The following ABCC4 variants were observed in gnomAD, a reference collection of about 807,000 sequenced individuals.
ABCC4 encodes the protein ATP binding cassette subfamily C member 4 (PEL blood group), also known as ATP-binding cassette sub-family C member 4.
In ABCC4, 102 loss-of-function variants were observed where a neutral mutation model predicts 168.5. The ratio of observed to expected loss-of-function variants is 0.61; its 90% CI spans 0.52 to 0.71. The LOEUF (loss-of-function observed/expected upper bound fraction) is 0.71. Ranked by LOEUF, ABCC4 falls within the 30% of genes least tolerant of loss-of-function variation. ABCC4 has a pLI of 0.00. For missense variants in ABCC4, 1,402 were observed against 1,605.8 expected, an observed-to-expected ratio of 0.87 and a Z score of 2.17; for synonymous variants, 617 against 590.7, an observed-to-expected ratio of 1.04 and a Z score of -0.65.
intron 4 of ABCC4, among the ~76,000 whole-genome samples, chr13:95,220,449 T>C (rs2039282711): frequency 6.6e-6 from 1 of 152,222 alleles, no homozygotes; most frequent in African/African-American, 2.4e-5. Flanking sequence ...TACACAGTAC[T>C]GTAATACTGC....
At chr13:95,166,453 T>G in intron 14 of ABCC4, 86 bp from the exon 15 acceptor site, 1 of 1,154,206 alleles carries the variant, frequency 8.7e-7, no homozygotes, top group Non-Finnish European at 1.2e-6. Flanking sequence ...AAAAAGTAAC[T>G]GATCTTAAGT....
intron 20 of ABCC4, among the ~76,000 whole-genome samples, chr13:95,105,614 A>C (rs1566422617): frequency 6.6e-6 from 1 of 152,214 alleles, no homozygotes; most frequent in East Asian, 1.9e-4. Flanking sequence ...AGAAAACCTC[A>C]TACAACAAAG....
intron 1 of ABCC4, among the ~76,000 whole-genome samples, chr13:95,252,823 T>C (rs1302804545): frequency 1.3e-5 from 2 of 152,244 alleles, no homozygotes; most frequent in Non-Finnish European, 2.9e-5. Context: ...GGGACTACTG[T>C]ACATCTATAA....
intron 1 of ABCC4, among the ~76,000 whole-genome samples, chr13:95,250,131 C>A (rs563242536): frequency 6.6e-6 from 1 of 152,210 alleles, no homozygotes; most frequent in Non-Finnish European, 1.5e-5. Context: ...CTTTGACCAT[C>A]TATGTAAGGA....
chr13:95,268,579 T>TCAGTAG (rs1279200654), intron 1 of ABCC4, among the ~76,000 whole-genome samples: 2 of 152,232 alleles, frequency 1.3e-5, no homozygotes, highest in Non-Finnish European at 2.9e-5. Flanking sequence ...ATATTCCATC[T>TCAGTAG]ACTGAGATAG....
chr13:95,238,397 C>G (rs1024301443), intron 3 of ABCC4, among the ~76,000 whole-genome samples: 2 of 152,116 alleles, frequency 1.3e-5, no homozygotes, highest in African/African-American at 4.8e-5. Flanking sequence ...CTCACTGATG[C>G]TCAGGACCCA....
rs866419635 is a variant in ABCC4, at chr13:95,244,646, A to G, written c.306+2329T>C. On this transcript the variant is annotated intron_variant, in intron 3 of 30. Transcript: ENST00000645237. ...GAAAGAAAGAAAGAAAGAAAGAAAG[A>G]AAGAAAGAAAGAAAGAAAGAAAGAA... Among the ~76,000 whole-genome samples, 312 of 73,828 alleles carry G rather than the reference A, an allele frequency of 4.2e-3. 1 individual carries two copies. Among genetic ancestry groups the G allele is most frequent in the Middle Eastern group, 0.011 (2 of 184 alleles). The allele number at this position is 73,828 out of a possible 152,430, so 48.4% of individuals were successfully genotyped here.
chr13:95,173,541 C>A (rs1174591501), intron 13 of ABCC4, among the ~76,000 whole-genome samples: 1 of 152,216 alleles, frequency 6.6e-6, no homozygotes, highest in Non-Finnish European at 1.5e-5. Context: ...GTGAGAAATT[C>A]ACACCTCCTT....
At chr13:95,199,428 T>G (rs905295428) in intron 8 of ABCC4, among the ~76,000 whole-genome samples, 1 of 152,216 alleles carries the variant, frequency 6.6e-6, no homozygotes, top group African/African-American at 2.4e-5. Context: ...ACCCCATCAG[T>G]GGGTCTTGTA....
chr13:95,046,326 T>C (rs1290118271), intron 27 of ABCC4, among the ~76,000 whole-genome samples: 1 of 152,204 alleles, frequency 6.6e-6, no homozygotes, highest in Non-Finnish European at 1.5e-5. Context: ...ATCATTCTTC[T>C]GGGTTTTGAC....
intron 13 of ABCC4, among the ~76,000 whole-genome samples, chr13:95,172,815 C>T (rs577902102): frequency 6.6e-6 from 1 of 151,954 alleles, no homozygotes; most frequent in Non-Finnish European, 1.5e-5. Context: ...ACTTGTAGTC[C>T]CAGCTACTCG....
chr13:95,228,988 T>C (rs914722306), intron 4 of ABCC4, among the ~76,000 whole-genome samples: 1 of 152,004 alleles, frequency 6.6e-6, no homozygotes, highest in African/African-American at 2.4e-5. Context: ...AGATGAAGAG[T>C]ACCTGATAAT....
At chr13:95,251,786 A>C (rs1033596682) in intron 1 of ABCC4, among the ~76,000 whole-genome samples, 6 of 152,218 alleles carry the variant, frequency 3.9e-5, no homozygotes, top group African/African-American at 1.4e-4. Flanking sequence ...CTACTGAAGG[A>C]GTTCACTTGT....
In ABCC4 at chr13:95,271,254, C is replaced by G. The variant is rs534003800; in HGVS notation, c.75-23501G>C. Among the ~76,000 whole-genome samples the G allele has an allele frequency of 6.6e-5, 10 of 152,280 alleles. No individual in the cohort carries two copies. The South Asian group carries it at 2.1e-3, about 32-fold the overall frequency. ...AGCTAAATAATGAATACAGAGACAG[C>G]TGCCGACGGATTACATTAGTGTGCA... is the stretch of plus-strand genomic sequence containing the variant. On this transcript the variant is annotated intron_variant, in intron 1 of 30. Transcript: ENST00000645237.
intron 27 of ABCC4, among the ~76,000 whole-genome samples, chr13:95,052,541 A>T (rs2032887055): frequency 6.6e-6 from 1 of 152,222 alleles, no homozygotes; most frequent in Non-Finnish European, 1.5e-5. Context: ...AAATCAACAT[A>T]TTAGTATAAA....
chr13:95,117,512 A>C (rs959287231), intron 19 of ABCC4, among the ~76,000 whole-genome samples: 2 of 140,568 alleles, frequency 1.4e-5, no homozygotes, highest in African/African-American at 2.8e-5. Context: ...AGGTCAGGCT[A>C]TTATTTTATC....
intron 1 of ABCC4, among the ~76,000 whole-genome samples, chr13:95,288,856 C>CAATA (rs1365897991): frequency 2.0e-5 from 3 of 152,052 alleles, no homozygotes; most frequent in Non-Finnish European, 4.4e-5. Context: ...CTTACATATA[C>CAATA]AATAATAGGT....
At chr13:95,283,353 T>C (rs2041176284) in intron 1 of ABCC4, among the ~76,000 whole-genome samples, 1 of 145,086 alleles carries the variant, frequency 6.9e-6, no homozygotes, top group Non-Finnish European at 1.5e-5. Context: ...CCTTGAAGTT[T>C]TTCTGTGGTT....
At chr13:95,086,204 G>C (rs988583690) in intron 20 of ABCC4, among the ~76,000 whole-genome samples, 1 of 151,488 alleles carries the variant, frequency 6.6e-6, no homozygotes, top group Non-Finnish European at 1.5e-5. Context: ...AAAAAGAAGA[G>C]CTGATCTTTA....
Sources: gnomAD v4.1 joint callset for allele counts (sites outside exome capture counted in the v4.1 genomes callset) on GRCh38, gnomAD v4.1.1 for gene constraint, MANE v1.5 for transcripts, NCBI Gene and HGNC (gene_info 2026-07-23, HGNC 2026-07-21) for gene names.